The following DNAH5 variants were observed in gnomAD, a reference collection of about 807,000 sequenced individuals.
DNAH5 encodes axonemal beta dynein heavy chain 5.
Under a neutral mutation model 518.2 loss-of-function variants are expected in DNAH5, and 372 were observed. The observed-to-expected ratio is 0.72, with a 90% CI of 0.66 to 0.78. The LOEUF is 0.78. Among genes scored for constraint, DNAH5 ranks in the 30% least tolerant of loss-of-function variants. DNAH5 has a pLI of 0.00. For synonymous variants in DNAH5, 2,039 were observed against 2,025.9 expected (o/e 1.01, Z -0.17); for missense variants, 5,523 against 5,687.0 (o/e 0.97, Z 0.93).
chr5:13,984,352 C>T (rs181098364), intron 1 of DNAH5, among the ~76,000 whole-genome samples: 8 of 152,216 alleles, frequency 5.3e-5, no homozygotes, highest in Admixed American at 2.0e-4. Context: ...TGTATAAGAA[C>T]GCTTGTGATT....
At chr5:13,714,211 T>G (rs1743984659) in intron 75 of DNAH5, among the ~76,000 whole-genome samples, 194 bp downstream of exon 75, 1 of 152,198 alleles carries the variant, frequency 6.6e-6, no homozygotes, top group African/African-American at 2.4e-5. Context: ...TCCTTATGGT[T>G]TATATATTGA....
chr5:13,729,354 T>A, intron 69 of DNAH5, 85 bp downstream of exon 69: 1 of 1,551,112 alleles, frequency 6.4e-7, no homozygotes, highest in Non-Finnish European at 8.9e-7. Context: ...AAGAACTATC[T>A]CTCTTCCACA....
At position 13,708,236 on chromosome 5, in the gene DNAH5, T is replaced by C; in HGVS notation, c.13225A>G (p.Ser4409Gly). The change falls in exon 76 of 79, where the codon AGC becomes GGC. Residue 4409 changes from serine (S) to glycine (G), a missense_variant. Transcript: ENST00000265104. The stretch of plus-strand genomic sequence containing the variant: ...GCAAGTTTCAGCTCAGTGAGGGTGC[T>C]GCGGACAAGGCTGAGTACCCTTTGC... ...RMQRVLSLVR[S>G]TLTELKLAID... 6.2e-7 allele frequency: 1 copy of C among 1,614,208 alleles called. No individual in the cohort carries two copies. The highest frequency in any genetic ancestry group is 8.5e-7 in the Non-Finnish European group (1 of 1,180,026).
chr5:13,950,973 CA>C (rs566919869), intron 1 of DNAH5, among the ~76,000 whole-genome samples: 137 of 152,236 alleles, frequency 9.0e-4, no homozygotes, highest in African/African-American at 3.1e-3. Context: ...AAAGTCCATA[CA>C]AATATACAAC....
chr5:14,010,630 AAT>A (rs1189441013), intron 1 of DNAH5, among the ~76,000 whole-genome samples: 1 of 152,208 alleles, frequency 6.6e-6, no homozygotes, highest in Non-Finnish European at 1.5e-5. Flanking sequence ...ATAAACACAA[AAT>A]ATAGTGAAAA....
At position 13,824,665 on chromosome 5, in the gene DNAH5, T is replaced by C. The variant is rs770658458; in HGVS notation, c.6445-332A>G. Among the ~76,000 whole-genome samples, 85 of 152,172 alleles carry C rather than the reference T, an allele frequency of 5.6e-4. 1 individual carries two copies. The highest frequency in any genetic ancestry group is 5.3e-4 in the Non-Finnish European group (36 of 68,038). Reference sequence around the variant, plus strand: ...TCTTAATCAATCATACATAAGGAAATTTGCTCATATCTCTACAGTTAAAAT... The same window carrying C: ...TCTTAATCAATCATACATAAGGAAACTTGCTCATATCTCTACAGTTAAAAT... On this transcript the variant is annotated intron_variant, in intron 38 of 78. Coordinates refer to ENST00000265104, the MANE Select transcript of DNAH5 (RefSeq NM_001369.3).
chr5:13,795,872 C>T (rs1187923837), intron 47 of DNAH5, among the ~76,000 whole-genome samples: 6 of 152,144 alleles, frequency 3.9e-5, no homozygotes, highest in African/African-American at 1.2e-4. Context: ...TGGCTTCATC[C>T]CTGGGATGCA....
intron 1 of DNAH5, among the ~76,000 whole-genome samples, chr5:13,975,115 C>G (rs574695787): frequency 6.6e-6 from 1 of 152,192 alleles, no homozygotes; most frequent in African/African-American, 2.4e-5. Context: ...ATACCTGAGA[C>G]TGGGCAATTT....
intron 1 of DNAH5, among the ~76,000 whole-genome samples, chr5:14,007,817 T>G (rs889249449): frequency 1.3e-5 from 2 of 152,124 alleles, no homozygotes; most frequent in Admixed American, 6.5e-5. Context: ...AATTGTGTAA[T>G]GAATGTTAGG....
chr5:13,834,702 G>T (rs936986693), intron 35 of DNAH5, among the ~76,000 whole-genome samples: 7 of 152,208 alleles, frequency 4.6e-5, no homozygotes, highest in African/African-American at 1.7e-4. Context: ...AGGGTGCCAG[G>T]CCAAGTGTAT....
intron 65 of DNAH5, among the ~76,000 whole-genome samples, chr5:13,746,875 C>T (rs1442635580): frequency 6.6e-6 from 1 of 151,588 alleles, no homozygotes; most frequent in Non-Finnish European, 1.5e-5. Flanking sequence ...TATGTACTAT[C>T]CTTGTTTTTT....
At chr5:13,749,459 C>A (rs1440661577) in intron 65 of DNAH5, among the ~76,000 whole-genome samples, 1 of 152,126 alleles carries the variant, frequency 6.6e-6, no homozygotes, top group African/African-American at 2.4e-5. Context: ...TTAACAAGCT[C>A]CTTATTTCAT....
chr5:13,988,649 C>A (rs1783240065), intron 1 of DNAH5, among the ~76,000 whole-genome samples: 2 of 151,746 alleles, frequency 1.3e-5, no homozygotes, highest in African/African-American at 4.8e-5. Flanking sequence ...AACTCCTGAC[C>A]TCAAGTGATC....
At chr5:13,788,173 T>C (rs1502048) in intron 51 of DNAH5, among the ~76,000 whole-genome samples, 39,265 of 152,032 alleles carry the variant, frequency 0.26, 5,350 homozygotes, top group South Asian at 0.36. Context: ...TCTCATACAA[T>C]TGGAAGTTTT....
chr5:13,719,763 C>T (rs973920216), intron 71 of DNAH5, among the ~76,000 whole-genome samples: 2 of 152,146 alleles, frequency 1.3e-5, no homozygotes, highest in African/African-American at 4.8e-5. Flanking sequence ...CTGCTACTTC[C>T]TGCCTCCCAC....
intron 35 of DNAH5, among the ~76,000 whole-genome samples, chr5:13,833,889 T>G (rs963430483): frequency 6.6e-5 from 10 of 152,342 alleles, no homozygotes; most frequent in Admixed American, 5.2e-4. Flanking sequence ...CTGAAATGTC[T>G]GCAACTCTGT....
chr5:13,919,067 T>C, intron 7 of DNAH5, 109 bp downstream of exon 7: 1 of 1,356,252 alleles, frequency 7.4e-7, no homozygotes, highest in East Asian at 2.3e-5. Context: ...TAAATGTTTT[T>C]CATCAAGGTA....
At chr5:13,934,433 C>T (rs116636921) in intron 1 of DNAH5, among the ~76,000 whole-genome samples, 291 of 151,946 alleles carry the variant, frequency 1.9e-3, no homozygotes, top group African/African-American at 5.4e-3. Context: ...TGGTTTGTAA[C>T]GCAAAAATAA....
At chr5:13,747,731 G>T (rs1382524520) in intron 65 of DNAH5, among the ~76,000 whole-genome samples, 2 of 151,938 alleles carry the variant, frequency 1.3e-5, no homozygotes, top group African/African-American at 2.4e-5. Flanking sequence ...TGTTGATGGG[G>T]TTGTTTTTTT....
Sources: allele counts gnomAD v4.1 joint callset (sites outside exome capture counted in the v4.1 genomes callset), GRCh38; gene constraint gnomAD v4.1.1; transcripts MANE v1.5; gene names NCBI Gene and HGNC (gene_info 2026-07-23, HGNC 2026-07-21).